The following METTL15 variants were observed in gnomAD, a reference collection of about 807,000 sequenced individuals.
The protein encoded by METTL15 is methyltransferase 15, mitochondrial 12S rRNA N4-cytidine.
METTL15 carries 34 observed loss-of-function variants against 38.3 expected under a neutral mutation model. The ratio of observed to expected loss-of-function variants is 0.89; its 90% CI spans 0.68 to 1.18. The LOEUF (loss-of-function observed/expected upper bound fraction) is 1.18. Ranked by LOEUF, METTL15 falls within the 50% of genes most tolerant of loss-of-function variation. The pLI, the probability that METTL15 is intolerant of heterozygous loss-of-function variation, is 0.00. For synonymous variants in METTL15, 162 were observed against 170.9 expected, an observed-to-expected ratio of 0.95 and a Z score of 0.41; for missense variants, 438 against 498.4, an observed-to-expected ratio of 0.88 and a Z score of 1.15.
chr11:28,279,515 A>G (rs1476455135), intron 4 of METTL15, among the ~76,000 whole-genome samples: 1 of 151,944 alleles, frequency 6.6e-6, no homozygotes, highest in Non-Finnish European at 1.5e-5. Flanking sequence ...AAATTAGTCC[A>G]TTTCTTCATC....
chr11:28,306,943 G>T (rs1414638868), intron 6 of METTL15, among the ~76,000 whole-genome samples: 1 of 151,866 alleles, frequency 6.6e-6, no homozygotes, highest in Non-Finnish European at 1.5e-5. Context: ...TCTAGGAAAT[G>T]TGTTTGTTAG....
intron 6 of METTL15, among the ~76,000 whole-genome samples, chr11:28,308,591 G>T (rs1294856037): frequency 6.6e-6 from 1 of 152,088 alleles, no homozygotes; most frequent in Non-Finnish European, 1.5e-5. Context: ...AGCTATAACT[G>T]ATTATAAGTT....
chr11:28,231,635 T>C (rs1163413790), intron 4 of METTL15, among the ~76,000 whole-genome samples: 1 of 151,906 alleles, frequency 6.6e-6, no homozygotes, highest in African/African-American at 2.4e-5. Context: ...CCTTGAAATC[T>C]AAACTACTTT....
At chr11:28,205,911 A>T (rs1343888280) in intron 3 of METTL15, among the ~76,000 whole-genome samples, 1 of 149,698 alleles carries the variant, frequency 6.7e-6, no homozygotes, top group Non-Finnish European at 1.5e-5. Context: ...TCTTCTTTTG[A>T]GAAGTGTCTG....
At chr11:28,350,765 C>G (rs1850034092) in intron 3 of METTL15, among the ~76,000 whole-genome samples, 1 of 152,160 alleles carries the variant, frequency 6.6e-6, no homozygotes, top group South Asian at 2.1e-4. Flanking sequence ...TGTCTGAGCA[C>G]TATAAGACAA....
intron 3 of METTL15, among the ~76,000 whole-genome samples, chr11:28,189,104 T>C (rs1411045942): frequency 6.6e-6 from 1 of 151,326 alleles, no homozygotes; most frequent in Non-Finnish European, 1.5e-5. Context: ...ATAAACTGAC[T>C]TAAATACTTT....
At chr11:28,287,005 C>T (rs1239509177) in intron 4 of METTL15, among the ~76,000 whole-genome samples, 1 of 132,602 alleles carries the variant, frequency 7.5e-6, no homozygotes, top group African/African-American at 3.2e-5. Context: ...ATGTATTCTC[C>T]ACACTATATA....
chr11:28,194,192 C>CTT (rs1554995677), intron 3 of METTL15, among the ~76,000 whole-genome samples: 1 of 125,060 alleles, frequency 8.0e-6, no homozygotes, highest in African/African-American at 3.1e-5. Context: ...CTCTCTCTCT[C>CTT]CTCTCTCTCT....
chr11:28,518,186 A>G lies in METTL15; in HGVS notation c.*425-8292A>G, dbSNP rs547733966. On this transcript the variant is annotated intron_variant and NMD_transcript_variant, in intron 6 of 7. Coordinates refer to the METTL15 transcript ENST00000532947. ...AAAGGTTTAAAAAAAAAGCATAAAG[A>G]AATTATCTAGGCAGTACAGGATCTC... 6.6e-5 allele frequency among the ~76,000 whole-genome samples: 10 copies of G among 152,258 alleles called. No homozygotes were observed. In the South Asian group the frequency reaches 2.1e-3, roughly 32 times the overall value.
chr11:28,369,234 T>C (rs896706033), intron 5 of METTL15, among the ~76,000 whole-genome samples: 2 of 151,854 alleles, frequency 1.3e-5, no homozygotes, highest in East Asian at 3.9e-4. Flanking sequence ...CAAAGACAGG[T>C]ACTTTTCCAT....
intron 3 of METTL15, among the ~76,000 whole-genome samples, chr11:28,181,248 T>C (rs1851271925): frequency 8.7e-6 from 1 of 115,514 alleles, no homozygotes. Flanking sequence ...TATTTATTTA[T>C]TTAATTTTTA....
intron 4 of METTL15, among the ~76,000 whole-genome samples, chr11:28,212,144 C>T (rs566551993): frequency 1.3e-5 from 2 of 151,994 alleles, no homozygotes; most frequent in Non-Finnish European, 2.9e-5. Context: ...TTTACAGCCT[C>T]TTTCTGGTCC....
At chr11:28,454,474 A>G (rs941619920) in intron 6 of METTL15, among the ~76,000 whole-genome samples, 1 of 152,194 alleles carries the variant, frequency 6.6e-6, no homozygotes, top group Non-Finnish European at 1.5e-5. Context: ...GGTTTTGTGT[A>G]TGAGTCACAT....
chr11:28,159,079 C>A (rs1308960289), intron 3 of METTL15, among the ~76,000 whole-genome samples: 1 of 152,072 alleles, frequency 6.6e-6, no homozygotes, highest in Non-Finnish European at 1.5e-5. Flanking sequence ...TCTGCTGGCA[C>A]AGAGGTCTTA....
intron 2 of METTL15, among the ~76,000 whole-genome samples, chr11:28,111,332 G>A (rs1851709940): frequency 6.6e-6 from 1 of 152,120 alleles, no homozygotes; most frequent in East Asian, 1.9e-4. Flanking sequence ...TAGAATTGAT[G>A]ATACTACTTT....
intron 4 of METTL15, among the ~76,000 whole-genome samples, chr11:28,253,477 G>C (rs1854832775): frequency 6.6e-6 from 1 of 152,044 alleles, no homozygotes; most frequent in Non-Finnish European, 1.5e-5. Context: ...TACTCTTTAA[G>C]TTATTTTAAA....
At chr11:28,176,040 CTG>C (rs1196272419) in intron 3 of METTL15, among the ~76,000 whole-genome samples, 3 of 151,838 alleles carry the variant, frequency 2.0e-5, no homozygotes, top group South Asian at 2.1e-4. Flanking sequence ...GGAAAGAAGA[CTG>C]AACGTAAGAT....
intron 4 of METTL15, among the ~76,000 whole-genome samples, chr11:28,284,115 C>T (rs1257187438): frequency 6.6e-6 from 1 of 151,994 alleles, no homozygotes; most frequent in Non-Finnish European, 1.5e-5. Context: ...TTCCTTTATT[C>T]AGAGAACAAT....
chr11:28,335,827 A>G (rs548366101), downstream of METTL15, among the ~76,000 whole-genome samples: 2 of 152,278 alleles, frequency 1.3e-5, no homozygotes, highest in African/African-American at 4.8e-5. Context: ...TGATGGTGCC[A>G]TGCTTCTTGT....
Sources: gnomAD v4.1 joint callset for allele counts (sites outside exome capture counted in the v4.1 genomes callset) on GRCh38, gnomAD v4.1.1 for gene constraint, MANE v1.5 for transcripts, NCBI Gene and HGNC (gene_info 2026-07-23, HGNC 2026-07-21) for gene names.